The following PRKD1 variants were observed in gnomAD, a reference collection of about 807,000 sequenced individuals.
PRKD1 encodes the protein serine/threonine-protein kinase D1.
In PRKD1, 63 loss-of-function variants were observed where a neutral mutation model predicts 95.9. That is an observed-to-expected ratio of 0.66 (90% CI 0.54 to 0.81). The LOEUF (loss-of-function observed/expected upper bound fraction) is 0.81. Among genes scored for constraint, PRKD1 ranks in the 30% least tolerant of loss-of-function variants. The pLI, the probability that PRKD1 is intolerant of heterozygous loss-of-function variation, is 0.00. For synonymous variants in PRKD1, 425 were observed against 423.1 expected (o/e 1.00, Z -0.05); for missense variants, 1,048 against 1,165.3 (o/e 0.90, Z 1.47).
chr14:29,785,552 A>C (rs1457463177), intron 1 of PRKD1, among the ~76,000 whole-genome samples: 1 of 150,714 alleles, frequency 6.6e-6, no homozygotes, highest in Non-Finnish European at 1.5e-5. Context: ...GATGCTCTTT[A>C]TTTCTTTTTC....
At chr14:29,826,844 CAT>C (rs1228527833) in intron 1 of PRKD1, among the ~76,000 whole-genome samples, 4,405 of 28,610 alleles carry the variant, frequency 0.15, 987 homozygotes, top group East Asian at 0.53. Context: ...TATATACACA[CAT>C]ATATATATAT....
At chr14:29,796,961 A>G (rs1041190670) in intron 1 of PRKD1, among the ~76,000 whole-genome samples, 1 of 152,234 alleles carries the variant, frequency 6.6e-6, no homozygotes, top group Non-Finnish European at 1.5e-5. Context: ...ATGAAAATTT[A>G]TAACAATTAA....
intron 1 of PRKD1, among the ~76,000 whole-genome samples, chr14:29,926,956 G>C (rs1039722161): frequency 6.6e-6 from 1 of 151,816 alleles, no homozygotes; most frequent in Non-Finnish European, 1.5e-5. Flanking sequence ...GCGAGGAAAG[G>C]GCAAGATACC....
rs115738148 is a variant in PRKD1, at chr14:29,755,406, T to C, written c.265-29732A>G. On this transcript the variant is annotated intron_variant, in intron 1 of 17. Coordinates refer to ENST00000331968, the MANE Select transcript of PRKD1 (RefSeq NM_002742.3). ...TCTAAATTAATGATGTAGCCTTCTA[T>C]TCCTTTATTCCTAAGATACATTTTT... Among the ~76,000 whole-genome samples, 914 of 152,302 alleles carry C rather than the reference T, an allele frequency of 6.0e-3. 6 individuals are homozygous for C. Among genetic ancestry groups the C allele is most frequent in the African/African-American group, 0.021 (883 of 41,570 alleles).
At chr14:29,901,212 T>C (rs1484651755) in intron 1 of PRKD1, among the ~76,000 whole-genome samples, 4 of 152,160 alleles carry the variant, frequency 2.6e-5, no homozygotes, top group African/African-American at 7.2e-5. Flanking sequence ...TTAGAGGTAA[T>C]TATCCTAGGC....
At chr14:29,826,810 TATAC>T (rs1566622976) in intron 1 of PRKD1, among the ~76,000 whole-genome samples, 2 of 53,190 alleles carry the variant, frequency 3.8e-5, no homozygotes, top group African/African-American at 1.4e-4. Flanking sequence ...TACACATATA[TATAC>T]ACATATATAT....
intron 1 of PRKD1, among the ~76,000 whole-genome samples, chr14:29,786,630 G>A (rs150852373): frequency 6.6e-6 from 1 of 152,126 alleles, no homozygotes; most frequent in African/African-American, 2.4e-5. Flanking sequence ...TTAGCACGTA[G>A]TGGTTCATAA....
chr14:29,822,322 A>C (rs1223163454), intron 1 of PRKD1, among the ~76,000 whole-genome samples: 1 of 152,240 alleles, frequency 6.6e-6, no homozygotes, highest in Non-Finnish European at 1.5e-5. Context: ...GTTTCTTCAG[A>C]AGTGATCTGA....
intron 16 of PRKD1, 137 bp downstream of exon 16, chr14:29,597,354 G>A: frequency 2.3e-6 from 2 of 883,514 alleles, no homozygotes; most frequent in Non-Finnish European, 3.2e-6. Flanking sequence ...ATTAATTCGT[G>A]TCTTTGTGTC....
At chr14:29,612,870 G>A (rs952046669) in intron 13 of PRKD1, among the ~76,000 whole-genome samples, 2 of 152,120 alleles carry the variant, frequency 1.3e-5, no homozygotes, top group Admixed American at 6.6e-5. Context: ...AGGCCTAGGC[G>A]GGTGGATCAC....
intron 1 of PRKD1, among the ~76,000 whole-genome samples, chr14:29,764,615 G>A (rs1023331919): frequency 3.9e-5 from 6 of 152,100 alleles, no homozygotes; most frequent in African/African-American, 4.8e-5. Context: ...CAGAAGGAAC[G>A]GAAGAGGCAA....
At chr14:29,908,531 C>T (rs767174295) in intron 1 of PRKD1, among the ~76,000 whole-genome samples, 3 of 152,064 alleles carry the variant, frequency 2.0e-5, no homozygotes, top group South Asian at 2.1e-4. Flanking sequence ...ATGATCCGCC[C>T]GCCTCAGCCT....
At chr14:29,660,341 T>C (rs1413140972) in intron 4 of PRKD1, among the ~76,000 whole-genome samples, 1 of 152,200 alleles carries the variant, frequency 6.6e-6, no homozygotes, top group Non-Finnish European at 1.5e-5. Flanking sequence ...TGCGCCTTTA[T>C]AATATGTTTG....
chr14:29,589,541 C>A (rs952574330), intron 16 of PRKD1, among the ~76,000 whole-genome samples: 6 of 152,116 alleles, frequency 3.9e-5, no homozygotes, highest in African/African-American at 1.4e-4. Flanking sequence ...AAGATTGCAT[C>A]TTCAACTGCT....
At chr14:29,897,793 C>T (rs1894186030) in intron 1 of PRKD1, among the ~76,000 whole-genome samples, 1 of 152,042 alleles carries the variant, frequency 6.6e-6, no homozygotes, top group Admixed American at 6.6e-5. Flanking sequence ...ATTTTGAAAA[C>T]TTTTCTTTTC....
chr14:29,604,328 G>C (rs1157708489), intron 13 of PRKD1, among the ~76,000 whole-genome samples: 1 of 152,136 alleles, frequency 6.6e-6, no homozygotes, highest in African/African-American at 2.4e-5. Flanking sequence ...CATATGAGAG[G>C]TAGGAAAGAG....
chr14:29,776,938 C>T (rs577612450), intron 1 of PRKD1, among the ~76,000 whole-genome samples: 48 of 152,268 alleles, frequency 3.2e-4, no homozygotes, highest in East Asian at 7.7e-4. Flanking sequence ...AGACTAAGAG[C>T]GGATCTCTCT....
At chr14:29,616,808 C>A (rs1878898610) in intron 13 of PRKD1, among the ~76,000 whole-genome samples, 1 of 151,960 alleles carries the variant, frequency 6.6e-6, no homozygotes, top group African/African-American at 2.4e-5. Flanking sequence ...AAAATATTTT[C>A]TTTTAGGTTC....
chr14:29,771,449 T>G (rs557679613), intron 1 of PRKD1, among the ~76,000 whole-genome samples: 9 of 152,268 alleles, frequency 5.9e-5, no homozygotes, highest in African/African-American at 2.2e-4. Flanking sequence ...CCACCCCATG[T>G]TGGCTGCTCT....
Sources: allele counts gnomAD v4.1 joint callset (sites outside exome capture counted in the v4.1 genomes callset), GRCh38; gene constraint gnomAD v4.1.1; transcripts MANE v1.5; gene names NCBI Gene and HGNC (gene_info 2026-07-23, HGNC 2026-07-21).